The following JARID2 variants were observed in gnomAD, a reference collection of about 807,000 sequenced individuals.
The protein encoded by JARID2 is jumonji and AT-rich interaction domain containing 2, also known as protein Jumonji.
In JARID2, 21 loss-of-function variants were observed where a neutral mutation model predicts 125.6. The observed-to-expected ratio is 0.17, with a 90% CI of 0.12 to 0.24. The LOEUF (loss-of-function observed/expected upper bound fraction) is 0.24, where lower values mean the gene tolerates loss of function less well. JARID2 is among the 10% of genes least tolerant of loss of function. The pLI is 1.00. For synonymous variants in JARID2, 736 were observed against 661.6 expected (o/e 1.11, Z -1.73); for missense variants, 1,303 against 1,639.6 (o/e 0.79, Z 3.55).
chr6:15,420,691 T>C (rs1766447142), intron 3 of JARID2, among the ~76,000 whole-genome samples: 1 of 152,226 alleles, frequency 6.6e-6, no homozygotes, highest in South Asian at 2.1e-4. Flanking sequence ...TACATATTCT[T>C]GAGCATTGTT....
chr6:15,319,820 T>G (rs1268426327), intron 1 of JARID2, among the ~76,000 whole-genome samples: 2 of 152,172 alleles, frequency 1.3e-5, no homozygotes, highest in Non-Finnish European at 2.9e-5. Flanking sequence ...ATTATGTAAA[T>G]TAAAATAGTG....
In JARID2 at chr6:15,425,106, A is replaced by G. The variant is rs180702652; in HGVS notation, c.323+14741A>G. On this transcript the variant is annotated intron_variant, in intron 3 of 17. Transcript: ENST00000341776. Reference sequence around the variant, plus strand: ...GTATGTAATACAGACTCAGTAAATGATGTCTGCTCACCTTAAATAAGTCAA... The same window carrying G: ...GTATGTAATACAGACTCAGTAAATGGTGTCTGCTCACCTTAAATAAGTCAA... 3.9e-3 allele frequency among the ~76,000 whole-genome samples: 599 copies of G among 152,274 alleles called. 4 individuals carry two copies. Among genetic ancestry groups the G allele is most frequent in the Middle Eastern group, 0.024 (7 of 294 alleles).
chr6:15,334,127 G>T (rs1333242285), intron 1 of JARID2, among the ~76,000 whole-genome samples: 1 of 152,178 alleles, frequency 6.6e-6, no homozygotes, highest in Non-Finnish European at 1.5e-5. Context: ...GAATTGATCT[G>T]ACAGCGTGAA....
intron 2 of JARID2, among the ~76,000 whole-genome samples, chr6:15,382,452 T>C (rs1382872086): frequency 6.6e-6 from 1 of 152,146 alleles, no homozygotes; most frequent in Non-Finnish European, 1.5e-5. Flanking sequence ...AGCAAATATT[T>C]GACTGGTCTG....
At chr6:15,276,690 TC>T (rs1760534278) in intron 1 of JARID2, among the ~76,000 whole-genome samples, 1 of 152,166 alleles carries the variant, frequency 6.6e-6, no homozygotes, top group African/African-American at 2.4e-5. Flanking sequence ...GATACTGGAC[TC>T]CTTTTTGTTA....
At chr6:15,415,444 C>A (rs1371281255) in intron 3 of JARID2, among the ~76,000 whole-genome samples, 1 of 147,412 alleles carries the variant, frequency 6.8e-6, no homozygotes, top group Non-Finnish European at 1.5e-5. Context: ...GGGCGGGGGG[C>A]TGACACCCCC....
intron 1 of JARID2, among the ~76,000 whole-genome samples, chr6:15,321,234 T>A (rs908919101): frequency 2.0e-5 from 3 of 152,266 alleles, no homozygotes; most frequent in African/African-American, 7.2e-5. Context: ...ATCATACACC[T>A]TCTTGTGGGG....
chr6:15,461,132 T>C (rs917944110), intron 4 of JARID2, among the ~76,000 whole-genome samples: 1 of 152,240 alleles, frequency 6.6e-6, no homozygotes, highest in Non-Finnish European at 1.5e-5. Flanking sequence ...GAACCATAGA[T>C]AGACCTTGTG....
chr6:15,247,563 C>T (rs1312320725), intron 1 of JARID2: 1 of 978,732 alleles, frequency 1.0e-6, no homozygotes, highest in Non-Finnish European at 1.2e-6. Flanking sequence ...GCCAAATGAA[C>T]ATACCTTAGG....
Position 15,487,677 on chromosome 6 carries a change from G to A in JARID2, c.906+135G>A, listed in dbSNP as rs1769946834. 4 of 777,472 alleles carry A rather than the reference G, an allele frequency of 5.1e-6. No homozygotes were observed. In the South Asian group the frequency reaches 5.7e-5, roughly 11 times the overall value. The allele number at this position is 777,472 out of a possible 1,614,324, so 48.2% of individuals were successfully genotyped here. ...CAGAAGCAAGACAGGGACAGACAGA[G>A]CGCACCTTTGCATGAGCTGCAGGCG... On this transcript the variant is annotated intron_variant, in intron 6 of 17. Transcript: ENST00000341776.
chr6:15,428,965 A>C (rs915009515), intron 3 of JARID2, among the ~76,000 whole-genome samples: 1 of 144,170 alleles, frequency 6.9e-6, no homozygotes, highest in Non-Finnish European at 1.5e-5. Flanking sequence ...CTTCTAGAGT[A>C]TAGTCCTCAT....
chr6:15,264,005 C>G (rs1270809390), intron 1 of JARID2, among the ~76,000 whole-genome samples: 1 of 152,192 alleles, frequency 6.6e-6, no homozygotes, highest in Non-Finnish European at 1.5e-5. Flanking sequence ...GCGATCCTCC[C>G]ACCTCACCCT....
chr6:15,283,355 T>A (rs1270101070), intron 1 of JARID2, among the ~76,000 whole-genome samples: 4 of 150,248 alleles, frequency 2.7e-5, no homozygotes, highest in Non-Finnish European at 5.9e-5. Context: ...TTTTTTTTTT[T>A]TTTGAGATGG....
intron 3 of JARID2, among the ~76,000 whole-genome samples, chr6:15,447,423 C>T (rs751129956): frequency 2.6e-5 from 4 of 152,162 alleles, no homozygotes; most frequent in South Asian, 2.1e-4. Flanking sequence ...TTGCTACTTC[C>T]GTGGTGCGTG....
At chr6:15,324,521 G>A (rs1762469556) in intron 1 of JARID2, 1 of 152,026 alleles carries the variant, frequency 6.6e-6, no homozygotes, top group Admixed American at 6.6e-5. Flanking sequence ...TTAAAAGACA[G>A]TCTTTGAACC....
intron 5 of JARID2, among the ~76,000 whole-genome samples, chr6:15,472,518 A>G (rs533409886): frequency 6.6e-5 from 10 of 152,086 alleles, no homozygotes; most frequent in African/African-American, 2.4e-4. Context: ...CCAACCTCCA[A>G]GTGTCTACCA....
rs146274623 is a variant in JARID2 at position 15,322,081 on chromosome 6, G to A, written c.46-52036G>A. Among the ~76,000 whole-genome samples, 16 of 152,238 alleles carry A rather than the reference G, an allele frequency of 1.1e-4. 1 individual carries two copies. Among genetic ancestry groups the A allele is most frequent in the Middle Eastern group, 3.4e-3 (1 of 294 alleles). On this transcript the variant is annotated intron_variant, in intron 1 of 17. Transcript: ENST00000341776. ...ATTACAGGCATGAGCTACCGCGCCC[G>A]GCCTGGAAGAAGTATTAGATTTAGT...
chr6:15,415,638 G>A (rs1766137356), intron 3 of JARID2, among the ~76,000 whole-genome samples: 1 of 145,156 alleles, frequency 6.9e-6, no homozygotes, highest in African/African-American at 2.6e-5. Flanking sequence ...CTGGCCGGGC[G>A]GGGGGCTGAC....
At chr6:15,517,980 T>A (rs1416664021) in intron 17 of JARID2, among the ~76,000 whole-genome samples, 8 of 152,176 alleles carry the variant, frequency 5.3e-5, no homozygotes, top group African/African-American at 1.9e-4. Flanking sequence ...GCCTGGTGTG[T>A]CTGGGGGCCC....
Sources: gnomAD v4.1 joint callset for allele counts (sites outside exome capture counted in the v4.1 genomes callset) on GRCh38, gnomAD v4.1.1 for gene constraint, MANE v1.5 for transcripts, NCBI Gene and HGNC (gene_info 2026-07-23, HGNC 2026-07-21) for gene names.